Variants in KCNH7 observed in about 807,000 individuals in gnomAD.
KCNH7 encodes the protein potassium voltage-gated channel subfamily H member 7, also known as voltage-gated inwardly rectifying potassium channel KCNH7.
KCNH7 carries 49 observed loss-of-function variants against 120.8 expected under a neutral mutation model. That is an observed-to-expected ratio of 0.41 (90% CI 0.32 to 0.51). The LOEUF (loss-of-function observed/expected upper bound fraction) is 0.51, where lower values mean the gene tolerates loss of function less well. Ranked by LOEUF, KCNH7 falls within the 20% of genes least tolerant of loss-of-function variation. KCNH7 has a pLI of 0.38. For synonymous variants in KCNH7, 547 were observed against 516.1 expected (o/e 1.06, Z -0.81); for missense variants, 1,097 against 1,446.6 (o/e 0.76, Z 3.92).
chr2:162,767,707 T>A (rs1682876615), intron 2 of KCNH7, among the ~76,000 whole-genome samples: 1 of 152,144 alleles, frequency 6.6e-6, no homozygotes, highest in African/African-American at 2.4e-5. Context: ...TTTCTCAGTT[T>A]TATCATATCC....
chr2:162,555,082 C>T (rs1559012013), intron 2 of KCNH7, among the ~76,000 whole-genome samples: 1 of 152,182 alleles, frequency 6.6e-6, no homozygotes, highest in Non-Finnish European at 1.5e-5. Context: ...TGTGGAGGCT[C>T]CAGAATTGCC....
intron 2 of KCNH7, among the ~76,000 whole-genome samples, chr2:162,814,998 C>T (rs757030951): frequency 4.6e-5 from 7 of 152,146 alleles, no homozygotes; most frequent in Non-Finnish European, 8.8e-5. Context: ...TTGAATTCCT[C>T]CTCCCCTTTT....
chr2:162,628,957 C>T (rs978772021), intron 2 of KCNH7, among the ~76,000 whole-genome samples: 5 of 152,048 alleles, frequency 3.3e-5, no homozygotes, highest in African/African-American at 1.2e-4. Context: ...ACTCTTGGGG[C>T]AAGGCATAAG....
At chr2:162,405,725 CTT>C (rs1445136128) in intron 9 of KCNH7, among the ~76,000 whole-genome samples, 1 of 151,858 alleles carries the variant, frequency 6.6e-6, no homozygotes, top group African/African-American at 2.4e-5. Context: ...AATGACATGT[CTT>C]ATTAACTTTT....
chr2:162,429,278 A>T (rs1403403475), intron 8 of KCNH7, among the ~76,000 whole-genome samples: 1 of 151,064 alleles, frequency 6.6e-6, no homozygotes, highest in Non-Finnish European at 1.5e-5. Flanking sequence ...TCATTGTCAT[A>T]ATTTCTCCTT....
chr2:162,522,752 T>G (rs751826031), intron 3 of KCNH7, among the ~76,000 whole-genome samples: 1 of 151,884 alleles, frequency 6.6e-6, no homozygotes, highest in Admixed American at 6.6e-5. Flanking sequence ...CAGAAAGAAT[T>G]ACAAGTACTG....
At chr2:162,808,787 A>G (rs1684636139) in intron 2 of KCNH7, among the ~76,000 whole-genome samples, 1 of 151,980 alleles carries the variant, frequency 6.6e-6, no homozygotes, top group Admixed American at 6.5e-5. Flanking sequence ...TTCATAAAGA[A>G]ATTTTGGAAT....
chr2:162,707,257 C>G (rs1380414102), intron 2 of KCNH7, among the ~76,000 whole-genome samples: 1 of 151,934 alleles, frequency 6.6e-6, no homozygotes, highest in Non-Finnish European at 1.5e-5. Flanking sequence ...TTTGAAAGAG[C>G]AAACAGAATT....
At position 162,766,249 on chromosome 2, in the gene KCNH7, G is replaced by A. The variant is rs540826220; in HGVS notation, c.307+70288C>T. Reference sequence around the variant, plus strand: ...CCCGTGCCCCTTATTGATCAGGAAAGTTCAATTTCAGCACTAGTCAGCGTT... The same window carrying A: ...CCCGTGCCCCTTATTGATCAGGAAAATTCAATTTCAGCACTAGTCAGCGTT... On this transcript the variant is annotated intron_variant, in intron 2 of 15. Transcript: ENST00000332142. Among the ~76,000 whole-genome samples the A allele has an allele frequency of 6.6e-5, 10 of 152,226 alleles. No individual in the cohort carries two copies. In the South Asian group the frequency reaches 2.1e-3, roughly 32 times the overall value.
At chr2:162,650,769 T>C (rs1684537240) in intron 2 of KCNH7, among the ~76,000 whole-genome samples, 1 of 152,192 alleles carries the variant, frequency 6.6e-6, no homozygotes, top group African/African-American at 2.4e-5. Context: ...GAGCAAGGGT[T>C]GTGTATGCTT....
intron 2 of KCNH7, among the ~76,000 whole-genome samples, chr2:162,683,587 A>C (rs891038873): frequency 6.6e-6 from 1 of 151,878 alleles, no homozygotes; most frequent in African/African-American, 2.4e-5. Flanking sequence ...GGGTCACATT[A>C]GGAAACTGTC....
intron 2 of KCNH7, among the ~76,000 whole-genome samples, chr2:162,780,752 A>T (rs1315666732): frequency 6.6e-6 from 1 of 152,172 alleles, no homozygotes; most frequent in African/African-American, 2.4e-5. Flanking sequence ...AACTTTTAGG[A>T]TAGAATGTAC....
rs1448653037 is a variant in KCNH7, at chr2:162,520,518, G to A, written c.464-2360C>T. ...CTTATGCCTGTAATGCCAGCACTTC[G>A]TGAAGAAAAGGCATAATGATCTCTT... On this transcript the variant is annotated intron_variant, in intron 3 of 15. Transcript: ENST00000332142. Among the ~76,000 whole-genome samples, 3 of 151,712 alleles carry A rather than the reference G, an allele frequency of 2.0e-5. No individual in the cohort carries two copies. In the South Asian group the frequency reaches 6.2e-4, roughly 31 times the overall value.
intron 2 of KCNH7, among the ~76,000 whole-genome samples, chr2:162,680,357 G>T (rs1353430713): frequency 6.6e-6 from 1 of 151,766 alleles, no homozygotes; most frequent in East Asian, 1.9e-4. Flanking sequence ...TGCTGGGCAA[G>T]AATGAGTGAA....
chr2:162,705,001 TTATGAATTGGGC>T (rs145198625), intron 2 of KCNH7, among the ~76,000 whole-genome samples: 396 of 152,302 alleles, frequency 2.6e-3, no homozygotes, highest in African/African-American at 9.3e-3. Context: ...ATCGTTGTCA[TTATGAATTGGGC>T]ACATTTTTGT....
At chr2:162,682,716 C>T (rs1052591071) in intron 2 of KCNH7, among the ~76,000 whole-genome samples, 1 of 151,680 alleles carries the variant, frequency 6.6e-6, no homozygotes, top group African/African-American at 2.4e-5. Flanking sequence ...ACACAGTAAT[C>T]GCTGTTGTAA....
At chr2:162,729,977 T>C (rs934135612) in intron 2 of KCNH7, among the ~76,000 whole-genome samples, 19 of 151,762 alleles carry the variant, frequency 1.3e-4, no homozygotes, top group Admixed American at 8.5e-4. Flanking sequence ...ATATCACATA[T>C]AGAATAAGAA....
At chr2:162,753,748 C>A (rs1360105608) in intron 2 of KCNH7, among the ~76,000 whole-genome samples, 1 of 152,096 alleles carries the variant, frequency 6.6e-6, no homozygotes, top group African/African-American at 2.4e-5. Flanking sequence ...GCTCACCCTT[C>A]TTTGCTGTAA....
At chr2:162,550,889 A>G (rs754359222) in intron 2 of KCNH7, among the ~76,000 whole-genome samples, 16 of 103,594 alleles carry the variant, frequency 1.5e-4, no homozygotes, top group East Asian at 9.6e-4. Context: ...TAGGCTAGAT[A>G]ATAATAATAA....
Sources: allele counts gnomAD v4.1 joint callset (sites outside exome capture counted in the v4.1 genomes callset), GRCh38; gene constraint gnomAD v4.1.1; transcripts MANE v1.5; gene names NCBI Gene and HGNC (gene_info 2026-07-23, HGNC 2026-07-21).